Variants in EPHA3 observed in about 807,000 individuals in gnomAD.
The protein encoded by EPHA3 is EPH receptor A3, also known as ephrin type-A receptor 3.
EPHA3 carries 42 observed loss-of-function variants against 107.1 expected under a neutral mutation model. The observed-to-expected ratio is 0.39, with a 90% CI of 0.31 to 0.51. EPHA3 has a LOEUF of 0.51. EPHA3 is among the 20% of genes least tolerant of loss of function. The pLI is 0.78. For missense variants in EPHA3, 1,183 were observed against 1,211.2 expected (o/e 0.98, Z 0.35); for synonymous variants, 461 against 424.8 (o/e 1.09, Z -1.05).
At chr3:89,449,399 A>G (rs376501149) in intron 14 of EPHA3, 25 bp downstream of exon 14, 178 of 1,524,600 alleles carry the variant, frequency 1.2e-4, no homozygotes, top group Non-Finnish European at 1.5e-4. Context: ...TCTATGAGTT[A>G]TGAGTTCAGA....
intron 3 of EPHA3, among the ~76,000 whole-genome samples, chr3:89,316,269 T>A (rs978846711): frequency 4.0e-5 from 6 of 151,418 alleles, no homozygotes; most frequent in African/African-American, 9.7e-5. Context: ...CTGGCACTAT[T>A]TCCCATCCAT....
intron 11 of EPHA3, among the ~76,000 whole-genome samples, chr3:89,424,106 AT>A (rs1261786678): frequency 2.0e-5 from 3 of 151,418 alleles, no homozygotes; most frequent in African/African-American, 7.3e-5. Context: ...AGAAAGTATA[AT>A]AACATTATTG....
chr3:89,273,997 T>C (rs972660046), intron 3 of EPHA3, among the ~76,000 whole-genome samples: 4 of 151,700 alleles, frequency 2.6e-5, no homozygotes, highest in African/African-American at 7.3e-5. Flanking sequence ...AGTGTGAGAG[T>C]TGAAATAAGA....
intron 2 of EPHA3, among the ~76,000 whole-genome samples, chr3:89,200,802 C>T (rs13314573): frequency 6.2e-4 from 94 of 152,208 alleles, no homozygotes; most frequent in Admixed American, 9.2e-4. Flanking sequence ...TGTTTTTCTC[C>T]CATATCCCAA....
intron 3 of EPHA3, among the ~76,000 whole-genome samples, chr3:89,304,790 T>C (rs1706573300): frequency 6.6e-6 from 1 of 152,176 alleles, no homozygotes; most frequent in South Asian, 2.1e-4. Context: ...TCCTGTTTTC[T>C]GCTCACTGCA....
At chr3:89,350,917 G>A (rs1287897974) in intron 5 of EPHA3, among the ~76,000 whole-genome samples, 1 of 151,406 alleles carries the variant, frequency 6.6e-6, no homozygotes, top group Non-Finnish European at 1.5e-5. Context: ...ATGCTTCCCA[G>A]TTAGGCTGCT....
chr3:89,226,297 G>A (rs1576245931), intron 3 of EPHA3, among the ~76,000 whole-genome samples: 1 of 152,022 alleles, frequency 6.6e-6, no homozygotes, highest in African/African-American at 2.4e-5. Flanking sequence ...GTCATTGAGA[G>A]GATAAAGTGA....
At chr3:89,327,321 A>C (rs1170213207) in intron 3 of EPHA3, among the ~76,000 whole-genome samples, 2 of 152,206 alleles carry the variant, frequency 1.3e-5, no homozygotes, top group Non-Finnish European at 1.5e-5. Flanking sequence ...GCCTGTAAAC[A>C]CACAGATGAT....
At chr3:89,187,924 CA>C (rs1261497899) in intron 2 of EPHA3, among the ~76,000 whole-genome samples, 6 of 152,246 alleles carry the variant, frequency 3.9e-5, no homozygotes, top group Admixed American at 3.9e-4. Flanking sequence ...CTTAGCACCA[CA>C]AACCTGCTTT....
At chr3:89,137,809 AT>A (rs1704347119) in intron 2 of EPHA3, among the ~76,000 whole-genome samples, 1 of 152,032 alleles carries the variant, frequency 6.6e-6, no homozygotes, top group African/African-American at 2.4e-5. Flanking sequence ...ATTATTACAC[AT>A]TATTTTTATT....
At chr3:89,111,373 C>A (rs994543726) in intron 1 of EPHA3, among the ~76,000 whole-genome samples, 1 of 152,006 alleles carries the variant, frequency 6.6e-6, no homozygotes, top group South Asian at 2.1e-4. Flanking sequence ...GCTATCATAT[C>A]ATCTTTATAA....
At chr3:89,205,910 GA>G (rs1016312400) in intron 2 of EPHA3, among the ~76,000 whole-genome samples, 2 of 151,598 alleles carry the variant, frequency 1.3e-5, no homozygotes, top group Non-Finnish European at 2.9e-5. Flanking sequence ...TCTTACAGTA[GA>G]AAAATGAATG....
At chr3:89,282,013 T>A (rs1705960842) in intron 3 of EPHA3, among the ~76,000 whole-genome samples, 1 of 152,236 alleles carries the variant, frequency 6.6e-6, no homozygotes, top group South Asian at 2.1e-4. Context: ...GCAGATTATG[T>A]CAATTATATA....
intron 10 of EPHA3, among the ~76,000 whole-genome samples, chr3:89,418,319 C>T (rs1182230604): frequency 6.6e-6 from 1 of 151,320 alleles, no homozygotes; most frequent in African/African-American, 2.4e-5. Context: ...ATAGAACTCC[C>T]ATGTGGCAAT....
intron 2 of EPHA3, among the ~76,000 whole-genome samples, chr3:89,147,057 C>T (rs1019582554): frequency 5.9e-5 from 9 of 151,816 alleles, no homozygotes; most frequent in South Asian, 2.1e-4. Context: ...AAGCTGGAAA[C>T]GATCATCCTC....
At chr3:89,164,016 C>A (rs181058121) in intron 2 of EPHA3, among the ~76,000 whole-genome samples, 16 of 152,096 alleles carry the variant, frequency 1.1e-4, no homozygotes, top group African/African-American at 3.9e-4. Context: ...AATAATATTA[C>A]CATATTATTT....
intron 2 of EPHA3, among the ~76,000 whole-genome samples, chr3:89,182,189 C>T (rs531907038): frequency 1.8e-4 from 27 of 151,872 alleles, no homozygotes; most frequent in African/African-American, 4.8e-4. Flanking sequence ...CTCTTTATTT[C>T]CTATAACAAG....
chr3:89,338,058 G>T (rs773789598), intron 3 of EPHA3, among the ~76,000 whole-genome samples: 2 of 152,126 alleles, frequency 1.3e-5, no homozygotes, highest in Non-Finnish European at 2.9e-5. Flanking sequence ...AAACAAAAAG[G>T]TATCACAAAT....
chr3:89,241,328 CTAA>C (rs1704891338), intron 3 of EPHA3, among the ~76,000 whole-genome samples: 2 of 152,146 alleles, frequency 1.3e-5, no homozygotes, highest in African/African-American at 4.8e-5. Context: ...CCTACTGTAG[CTAA>C]ATATTAGGTA....
Sources: gnomAD v4.1 joint callset for allele counts (sites outside exome capture counted in the v4.1 genomes callset) on GRCh38, gnomAD v4.1.1 for gene constraint, MANE v1.5 for transcripts, NCBI Gene and HGNC (gene_info 2026-07-23, HGNC 2026-07-21) for gene names.